The following DLG2 variants were observed in gnomAD, a reference collection of about 807,000 sequenced individuals.
The protein encoded by DLG2 is disks large homolog 2.
Under a neutral mutation model 132.5 loss-of-function variants are expected in DLG2, and 45 were observed. The observed-to-expected ratio is 0.34, with a 90% confidence interval of 0.27 to 0.44. The LOEUF is 0.44. Ranked by LOEUF, DLG2 falls within the 20% of genes least tolerant of loss-of-function variation. The pLI, the probability that DLG2 is intolerant of heterozygous loss-of-function variation, is 1.00. For missense variants in DLG2, 1,045 were observed against 1,196.9 expected (o/e 0.87, Z 1.87); for synonymous variants, 424 against 419.6 (o/e 1.01, Z -0.13).
At chr11:84,721,932 C>T (rs1330633144) in intron 6 of DLG2, among the ~76,000 whole-genome samples, 1 of 152,180 alleles carries the variant, frequency 6.6e-6, no homozygotes, top group Non-Finnish European at 1.5e-5. Flanking sequence ...TCTTAACTTA[C>T]ATAGCTTATT....
At chr11:83,630,540 G>A (rs1052238812) in intron 19 of DLG2, among the ~76,000 whole-genome samples, 1 of 152,158 alleles carries the variant, frequency 6.6e-6, no homozygotes, top group Non-Finnish European at 1.5e-5. Context: ...AGTTTATCCT[G>A]TGCAAAAACC....
intron 15 of DLG2, among the ~76,000 whole-genome samples, chr11:83,915,234 G>T (rs2076732673): frequency 1.3e-5 from 2 of 152,112 alleles, no homozygotes; most frequent in African/African-American, 4.8e-5. Context: ...AGGGCTGGGG[G>T]CAGAACTTAA....
At chr11:85,215,502 A>C (rs1029908054) in intron 4 of DLG2, among the ~76,000 whole-genome samples, 1 of 152,198 alleles carries the variant, frequency 6.6e-6, no homozygotes, top group Non-Finnish European at 1.5e-5. Context: ...GAGAAAAAGT[A>C]GACAAAGAGC....
intron 5 of DLG2, among the ~76,000 whole-genome samples, chr11:85,114,406 G>C (rs2073234952): frequency 6.6e-6 from 1 of 151,982 alleles, no homozygotes. Flanking sequence ...TCTAAGCAAA[G>C]ATTTAAGATA....
intron 6 of DLG2, among the ~76,000 whole-genome samples, chr11:84,952,288 G>A (rs1012907904): frequency 1.3e-5 from 2 of 152,212 alleles, no homozygotes; most frequent in African/African-American, 4.8e-5. Context: ...GCTCACGCCT[G>A]TAATCCCAGC....
chr11:85,038,598 T>A (rs1217994735), intron 6 of DLG2, among the ~76,000 whole-genome samples: 2 of 152,016 alleles, frequency 1.3e-5, no homozygotes, highest in Non-Finnish European at 2.9e-5. Flanking sequence ...ACTAAAAAAA[T>A]TCAACAAATT....
At chr11:84,164,164 T>A (rs1048187881) in intron 8 of DLG2, among the ~76,000 whole-genome samples, 1 of 152,200 alleles carries the variant, frequency 6.6e-6, no homozygotes, top group Non-Finnish European at 1.5e-5. Flanking sequence ...AACCAATCCT[T>A]GTATTGATTT....
chr11:85,134,224 C>G (rs923259801), intron 5 of DLG2, among the ~76,000 whole-genome samples: 1 of 151,334 alleles, frequency 6.6e-6, no homozygotes, highest in African/African-American at 2.4e-5. Flanking sequence ...CTGGCAGGAC[C>G]ATTTCCCACC....
chr11:84,212,749 T>G (rs990756329), intron 8 of DLG2, among the ~76,000 whole-genome samples: 39 of 152,266 alleles, frequency 2.6e-4, no homozygotes, highest in African/African-American at 9.1e-4. Context: ...AACCTCCGCC[T>G]CCCGGTTCAA....
chr11:85,455,889 A>C (rs2092405744), intron 3 of DLG2, among the ~76,000 whole-genome samples: 1 of 152,142 alleles, frequency 6.6e-6, no homozygotes, highest in Admixed American at 6.5e-5. Context: ...ATGGTGGATT[A>C]GATTTTTGAT....
At chr11:84,541,420 C>CT (rs1565243705) in intron 6 of DLG2, among the ~76,000 whole-genome samples, 1 of 151,966 alleles carries the variant, frequency 6.6e-6, no homozygotes, top group Admixed American at 6.6e-5. Context: ...ATCAAGCAAA[C>CT]TTTTTTAGGT....
intron 5 of DLG2, among the ~76,000 whole-genome samples, chr11:85,123,089 T>C (rs558980599): frequency 8.5e-4 from 126 of 148,856 alleles, no homozygotes; most frequent in Non-Finnish European, 1.5e-3. Flanking sequence ...GCCATTCTCC[T>C]GCCTCAGCCT....
intron 6 of DLG2, among the ~76,000 whole-genome samples, chr11:84,768,191 T>A: frequency 6.6e-6 from 1 of 152,178 alleles, no homozygotes; most frequent in East Asian, 1.9e-4. Context: ...TACACACAAA[T>A]AGACGATTCT....
chr11:84,713,074 C>T lies in DLG2; in HGVS notation c.358-178343G>A, dbSNP rs540143397. On this transcript the variant is annotated intron_variant, in intron 6 of 27. Coordinates refer to ENST00000376104, the MANE Select transcript of DLG2 (RefSeq NM_001142699.3). ...CTTGTACAATAAAACTGACTCCTCT[C>T]ATCAGTGTACCTTACATTCAAATTC... Among the ~76,000 whole-genome samples, 5 of 152,254 alleles carry T rather than the reference C, an allele frequency of 3.3e-5. No individual in the cohort carries two copies. The South Asian group carries it at 1.0e-3, about 32-fold the overall frequency.
At chr11:85,200,100 G>A (rs556894396) in intron 4 of DLG2, among the ~76,000 whole-genome samples, 1 of 152,062 alleles carries the variant, frequency 6.6e-6, no homozygotes, top group Non-Finnish European at 1.5e-5. Flanking sequence ...TCAGATAGGA[G>A]GTTGTAAACC....
chr11:85,543,035 C>A (rs1348964808), intron 3 of DLG2, among the ~76,000 whole-genome samples: 1 of 152,030 alleles, frequency 6.6e-6, no homozygotes, highest in African/African-American at 2.4e-5. Flanking sequence ...ATGTGCAGAA[C>A]TTGCAGGTTT....
At chr11:83,474,922 G>C (rs1027672484) in intron 22 of DLG2, among the ~76,000 whole-genome samples, 1 of 152,098 alleles carries the variant, frequency 6.6e-6, no homozygotes, top group Non-Finnish European at 1.5e-5. Flanking sequence ...GTATGATTGC[G>C]ATTCAGACAA....
At chr11:84,455,963 T>A (rs2099064230) in intron 7 of DLG2, among the ~76,000 whole-genome samples, 1 of 151,260 alleles carries the variant, frequency 6.6e-6, no homozygotes, top group Admixed American at 6.6e-5. Flanking sequence ...ATTAAAGGAA[T>A]TTGGCTCACA....
chr11:84,719,526 T>C (rs768680954), intron 6 of DLG2, among the ~76,000 whole-genome samples: 2 of 152,116 alleles, frequency 1.3e-5, no homozygotes, highest in African/African-American at 4.8e-5. Context: ...AAACACCAAG[T>C]TCTATGCATC....
Sources: gnomAD v4.1 joint callset for allele counts (sites outside exome capture counted in the v4.1 genomes callset) on GRCh38, gnomAD v4.1.1 for gene constraint, MANE v1.5 for transcripts, NCBI Gene and HGNC (gene_info 2026-07-23, HGNC 2026-07-21) for gene names.